SETBP1: variants seen among roughly 807,000 people sequenced by gnomAD.
SETBP1 encodes the protein SET binding protein 1.
In SETBP1, 9 loss-of-function variants were observed where a neutral mutation model predicts 101.0. That is an observed-to-expected ratio of 0.09 (90% confidence interval 0.05 to 0.16). The LOEUF (loss-of-function observed/expected upper bound fraction) is 0.16, where lower values mean the gene tolerates loss of function less well. Ranked by LOEUF, SETBP1 falls within the 10% of genes least tolerant of loss-of-function variation. SETBP1 has a pLI of 1.00. For synonymous variants in SETBP1, 818 were observed against 788.5 expected (o/e 1.04, Z -0.63); for missense variants, 1,858 against 2,033.8 (o/e 0.91, Z 1.66).
intron 4 of SETBP1, among the ~76,000 whole-genome samples, chr18:45,022,444 C>T (rs993927319): frequency 3.3e-5 from 5 of 152,170 alleles, no homozygotes; most frequent in Admixed American, 6.5e-5. Flanking sequence ...TTCTCAGTGA[C>T]GTCCTTCCTC....
At position 45,063,734 on chromosome 18, in the gene SETBP1, A is replaced by T; in HGVS notation, c.*36A>T. 2 of 1,586,284 alleles carry T rather than the reference A, an allele frequency of 1.3e-6. No homozygotes were observed. Among genetic ancestry groups the T allele is most frequent in the African/African-American group, 2.7e-5 (2 of 74,120 alleles). On this transcript the variant is annotated 3_prime_UTR_variant, in exon 6 of 6. Transcript: ENST00000649279. ...GGCGTCTGCACCTGGGGCCTAGGGA[A>T]CTGACACGTGGGAAGCGCAGTGAGC...
rs1199198141 is a variant in SETBP1 at position 44,701,444 on chromosome 18, G to A, written c.98G>A (p.Cys33Tyr). Residue 33 changes from cysteine (C) to tyrosine (Y), a missense_variant, in exon 2 of 6, where the codon TGT (cysteine) becomes TAT (tyrosine). Physicochemically the swap from Cys to Tyr is radical, Grantham distance 194 (BLOSUM62 -2). Transcript: ENST00000649279. ...GCCAAGCCCCCAGCTGCTCCTGGCT[G>A]TGCAGGAGAACCTTTGCTCTCCACT... is the stretch of plus-strand genomic sequence containing the variant. Reference protein sequence around the residue: ...SSAKPPAAPGCAGEPLLSTPG... With the variant: ...SSAKPPAAPGYAGEPLLSTPG... 2.5e-6 allele frequency: 4 copies of A among 1,610,620 alleles called. No individual in the cohort carries two copies. The highest frequency in any genetic ancestry group is 2.5e-6 in the Non-Finnish European group (3 of 1,178,068).
chr18:44,685,611 G>C (rs2068824286), intron 1 of SETBP1, among the ~76,000 whole-genome samples: 2 of 152,148 alleles, frequency 1.3e-5, no homozygotes, highest in Admixed American at 6.5e-5. Flanking sequence ...AACCTAATCA[G>C]TAAAATAAAG....
intron 4 of SETBP1, among the ~76,000 whole-genome samples, chr18:44,961,318 T>C (rs1432630647): frequency 1.3e-5 from 2 of 152,220 alleles, no homozygotes; most frequent in Non-Finnish European, 2.9e-5. Flanking sequence ...AAAATATGCA[T>C]GAACATATTG....
chr18:44,692,258 G>A (rs2068947347), intron 1 of SETBP1, among the ~76,000 whole-genome samples: 1 of 152,212 alleles, frequency 6.6e-6, no homozygotes, highest in African/African-American at 2.4e-5. Flanking sequence ...ATCCCAGTAT[G>A]TTCTTTCATA....
At chr18:44,815,384 G>C (rs1255916568) in intron 2 of SETBP1, among the ~76,000 whole-genome samples, 1 of 152,252 alleles carries the variant, frequency 6.6e-6, no homozygotes, top group African/African-American at 2.4e-5. Context: ...AGAGGAGGCT[G>C]TACGGGGCAG....
intron 2 of SETBP1, among the ~76,000 whole-genome samples, chr18:44,775,851 G>A (rs1712833999): frequency 6.6e-6 from 1 of 152,108 alleles, no homozygotes; most frequent in South Asian, 2.1e-4. Flanking sequence ...ATAGATACAT[G>A]ATGGATTTGT....
chr18:44,797,410 A>G (rs568729118), intron 2 of SETBP1, among the ~76,000 whole-genome samples: 1 of 152,336 alleles, frequency 6.6e-6, no homozygotes, highest in African/African-American at 2.4e-5. Flanking sequence ...CTTAAAATCA[A>G]TGAATGTCAT....
rs542215530 is a variant in SETBP1 at position 45,065,660 on chromosome 18, A to T, written c.*1962A>T. 3 of 152,286 alleles carry T rather than the reference A, an allele frequency of 2.0e-5. No individual in the cohort carries two copies. Among genetic ancestry groups the T allele is most frequent in the South Asian group, 2.1e-4 (1 of 4,822 alleles). The allele number at this position is 152,286 out of a possible 1,614,324, so 9.4% of individuals were successfully genotyped here. A position where few individuals can be genotyped will look rare whatever the true frequency, so the allele number is the denominator to read the frequency against. ...ATACTCCTGTGCTCTGTCACCATGG[A>T]CTTCACATCATTTGCTGCCCACTAG... On this transcript the variant is annotated 3_prime_UTR_variant, in exon 6 of 6. Transcript: ENST00000649279.
intron 5 of SETBP1, among the ~76,000 whole-genome samples, chr18:45,057,384 A>G (rs1430826064): frequency 1.3e-5 from 2 of 152,216 alleles, no homozygotes; most frequent in East Asian, 3.9e-4. Context: ...AGATAAATAA[A>G]TAAAATGCAG....
intron 4 of SETBP1, among the ~76,000 whole-genome samples, chr18:44,990,942 A>G (rs1257105780): frequency 1.3e-5 from 2 of 151,028 alleles, no homozygotes; most frequent in African/African-American, 4.8e-5. Flanking sequence ...AAAAAAAAAA[A>G]AAAAAGAAAC....
intron 2 of SETBP1, among the ~76,000 whole-genome samples, chr18:44,858,952 T>C (rs9952872): frequency 0.12 from 18,791 of 151,950 alleles, 1,553 homozygotes; most frequent in African/African-American, 0.24. Context: ...CCATTATTGG[T>C]TACCATCTGT....
At chr18:44,995,542 T>G (rs1365361403) in intron 4 of SETBP1, among the ~76,000 whole-genome samples, 1 of 150,752 alleles carries the variant, frequency 6.6e-6, no homozygotes, top group Non-Finnish European at 1.5e-5. Flanking sequence ...TGTGTGTGTG[T>G]GTGTGTGTGT....
chr18:45,010,935 C>A (rs1250497524), intron 4 of SETBP1, among the ~76,000 whole-genome samples: 1 of 152,088 alleles, frequency 6.6e-6, no homozygotes, highest in East Asian at 1.9e-4. Flanking sequence ...TTTTAAAAGG[C>A]AAATGATAAT....
At chr18:44,989,724 CCGGGCATAGTGG>C (rs2072315532) in intron 4 of SETBP1, among the ~76,000 whole-genome samples, 1 of 151,218 alleles carries the variant, frequency 6.6e-6, no homozygotes, top group South Asian at 2.1e-4. Context: ...AAAAAATTAG[CCGGGCATAGTGG>C]CGGGCCCCTG....
At chr18:45,039,635 T>C (rs1333906800) in intron 5 of SETBP1, among the ~76,000 whole-genome samples, 1 of 152,240 alleles carries the variant, frequency 6.6e-6, no homozygotes, top group African/African-American at 2.4e-5. Flanking sequence ...GTTACATACA[T>C]ATTTCTTGAA....
chr18:44,787,722 C>T (rs1402592958), intron 2 of SETBP1, among the ~76,000 whole-genome samples: 19 of 145,976 alleles, frequency 1.3e-4, no homozygotes, highest in African/African-American at 2.5e-4. Flanking sequence ...GGCGCGGTGG[C>T]GGGCGCCTGT....
At chr18:44,745,375 G>A (rs1346486902) in intron 2 of SETBP1, among the ~76,000 whole-genome samples, 1 of 152,182 alleles carries the variant, frequency 6.6e-6, no homozygotes, top group Non-Finnish European at 1.5e-5. Flanking sequence ...TGCGGGGCTA[G>A]GGGCTGATGA....
intron 2 of SETBP1, among the ~76,000 whole-genome samples, chr18:44,855,241 T>A (rs990672215): frequency 2.2e-4 from 33 of 152,198 alleles, no homozygotes; most frequent in Non-Finnish European, 4.4e-5. Context: ...GTTTGTCTCA[T>A]TGAGAATAAG....
Sources: allele counts gnomAD v4.1 joint callset (sites outside exome capture counted in the v4.1 genomes callset), GRCh38; gene constraint gnomAD v4.1.1; transcripts MANE v1.5; gene names NCBI Gene and HGNC (gene_info 2026-07-23, HGNC 2026-07-21).